NAA15: variants seen among roughly 807,000 people sequenced by gnomAD.
The protein encoded by NAA15 is N-terminal acetyltransferase.
In NAA15, 34 loss-of-function variants were observed where a neutral mutation model predicts 114.0. The ratio of observed to expected loss-of-function variants is 0.30; its 90% confidence interval spans 0.23 to 0.40. The LOEUF is 0.40. NAA15 is among the 10% of genes least tolerant of loss of function. The pLI is 1.00. For missense variants in NAA15, 658 were observed against 1,004.5 expected (o/e 0.66, Z 4.66); for synonymous variants, 340 against 338.0 (o/e 1.01, Z -0.06).
At chr4:139,353,146 T>C (rs1251802728) in intron 9 of NAA15, among the ~76,000 whole-genome samples, 3 of 152,230 alleles carry the variant, frequency 2.0e-5, no homozygotes, top group Non-Finnish European at 4.4e-5. Context: ...ATTCAACTTA[T>C]GGAACAGTCA....
chr4:139,369,027 A>G (rs1337946362), intron 14 of NAA15, among the ~76,000 whole-genome samples: 1 of 152,150 alleles, frequency 6.6e-6, no homozygotes, highest in African/African-American at 2.4e-5. Context: ...AGAGTTATTC[A>G]TTTATTGTGT....
chr4:139,305,966 T>C (rs993238948), intron 1 of NAA15, among the ~76,000 whole-genome samples: 1 of 152,232 alleles, frequency 6.6e-6, no homozygotes, highest in Non-Finnish European at 1.5e-5. Flanking sequence ...AACATTTTTT[T>C]CCTTAAATTT....
chr4:139,315,460 G>T (rs1746380203), intron 1 of NAA15, among the ~76,000 whole-genome samples: 1 of 151,896 alleles, frequency 6.6e-6, no homozygotes, highest in African/African-American at 2.4e-5. Flanking sequence ...CCAGGCTTCA[G>T]TGAGCAGTGT....
intron 14 of NAA15, among the ~76,000 whole-genome samples, chr4:139,363,768 A>G (rs1015287490): frequency 2.6e-5 from 4 of 152,302 alleles, no homozygotes; most frequent in South Asian, 4.1e-4. Flanking sequence ...CAACATGGGT[A>G]TTGAGATTTT....
chr4:139,390,759 C>A lies in NAA15; in HGVS notation c.*2675C>A, dbSNP rs1749039786. On this transcript the variant is annotated 3_prime_UTR_variant, in exon 20 of 20. Transcript: ENST00000296543. The stretch of plus-strand genomic sequence containing the variant: ...ATTTTTCTGTATCGTATTTATTATG[C>A]ACAAAAATAAAGTGTGATCTCTAAT... The A allele has an allele frequency of 6.6e-6, 1 of 152,126 alleles. No individual in the cohort carries two copies. The highest frequency in any genetic ancestry group is 1.5e-5 in the Non-Finnish European group (1 of 68,012). The allele number at this position is 152,126 out of a possible 1,614,324, so 9.4% of individuals were successfully genotyped here. A position where few individuals can be genotyped will look rare whatever the true frequency, so the allele number is the denominator to read the frequency against.
At chr4:139,365,138 A>C (rs1465176327) in intron 14 of NAA15, among the ~76,000 whole-genome samples, 1 of 152,138 alleles carries the variant, frequency 6.6e-6, no homozygotes, top group Admixed American at 6.5e-5. Context: ...CCTGGTTTCA[A>C]GCAATTGTCC....
At chr4:139,386,821 CAAAAT>C (rs1748921804) in intron 19 of NAA15, among the ~76,000 whole-genome samples, 1 of 151,856 alleles carries the variant, frequency 6.6e-6, no homozygotes, top group African/African-American at 2.4e-5. Context: ...GACCCTATCT[CAAAAT>C]AAAGAAAGAT....
At chr4:139,331,617 ATTTT>A (rs34467609) in intron 1 of NAA15, among the ~76,000 whole-genome samples, 11 of 127,864 alleles carry the variant, frequency 8.6e-5, no homozygotes, top group African/African-American at 2.9e-4. Context: ...TGCCCGGCTA[ATTTT>A]TTTTTTTTTT....
At chr4:139,361,498 C>T (rs1748130054) in intron 13 of NAA15, among the ~76,000 whole-genome samples, 1 of 152,098 alleles carries the variant, frequency 6.6e-6, no homozygotes, top group African/African-American at 2.4e-5. Flanking sequence ...CCTTTTTCAA[C>T]AAATGATTCT....
rs1157032981 is a variant in NAA15 at position 139,387,915 on chromosome 4, A to G, written c.2432A>G (p.Asp811Gly). ...TCMEVLEALY[D>G]GSLGDCKEAA... ...ATGGAGGTATTGGAAGCCTTGTATG[A>G]TGGTAGCCTAGGAGACTGTAAAGAA... The change falls in exon 20 of 20, where the codon GAT (aspartate) becomes GGT (glycine). Residue 811 changes from aspartate (D) to glycine (G), a missense_variant. Transcript: ENST00000296543. 2.5e-6 allele frequency: 4 copies of G among 1,613,966 alleles called. No homozygotes were observed. The highest frequency in any genetic ancestry group is 3.4e-6 in the Non-Finnish European group (4 of 1,179,932).
At chr4:139,332,647 A>T (rs1747061057) in intron 1 of NAA15, among the ~76,000 whole-genome samples, 1 of 120,442 alleles carries the variant, frequency 8.3e-6, no homozygotes, top group Non-Finnish European at 1.6e-5. Context: ...TGGTGGTGCG[A>T]TCTCTGCTCA....
intron 1 of NAA15, among the ~76,000 whole-genome samples, chr4:139,313,722 T>G (rs1405207845): frequency 6.6e-6 from 1 of 151,686 alleles, no homozygotes; most frequent in Non-Finnish European, 1.5e-5. Context: ...TTTTGTAATT[T>G]TAGTAGAGAC....
At chr4:139,353,441 CA>C (rs1347970510) in intron 9 of NAA15, among the ~76,000 whole-genome samples, 1 of 152,070 alleles carries the variant, frequency 6.6e-6, no homozygotes, top group Non-Finnish European at 1.5e-5. Flanking sequence ...ATGGATTAAA[CA>C]AAGAACAGAA....
chr4:139,373,621 G>A (rs111799313), intron 15 of NAA15, among the ~76,000 whole-genome samples: 1 of 151,870 alleles, frequency 6.6e-6, no homozygotes, highest in African/African-American at 2.4e-5. Context: ...GGCATTAGTT[G>A]GTATTTATGA....
intron 1 of NAA15, among the ~76,000 whole-genome samples, chr4:139,310,747 T>C (rs2110834197): frequency 6.6e-6 from 1 of 151,782 alleles, no homozygotes; most frequent in Admixed American, 6.6e-5. Context: ...GCTTCCTGAG[T>C]AGCTGGGATT....
At chr4:139,316,557 G>A (rs559450897) in intron 1 of NAA15, among the ~76,000 whole-genome samples, 1 of 151,912 alleles carries the variant, frequency 6.6e-6, no homozygotes, top group African/African-American at 2.4e-5. Flanking sequence ...TTAAATTTGC[G>A]ATGGATATGG....
rs1283385686 is a variant in NAA15 at position 139,370,290 on chromosome 4, G to GA, written c.1841dup (p.Asn614LysfsTer17). 6.3e-6 allele frequency: 10 copies of GA among 1,585,654 alleles called. No homozygotes were observed. Among genetic ancestry groups the GA allele is most frequent in the African/African-American group, 2.7e-5 (2 of 73,534 alleles). ...AAAAGAAAGCCCAGATAGAAGAAGA[G>GA]AAAAAAAATGCAGAAAAAGAAAAGC... On this transcript the variant is annotated frameshift_variant, in exon 15 of 20. Transcript: ENST00000296543. LOFTEE classifies it high-confidence loss of function.
rs546981635 is a variant in NAA15 at position 139,351,215 on chromosome 4, T to A, written c.836T>A (p.Ile279Asn). 6.2e-7 allele frequency: 1 copy of A among 1,600,832 alleles called. No individual in the cohort carries two copies. Among genetic ancestry groups the A allele is most frequent in the East Asian group, 2.2e-5 (1 of 44,662 alleles). Residue 279 changes from isoleucine to asparagine, a missense_variant, in exon 8 of 20, where the codon ATT becomes AAT. This residue lies in a region of NAA15 where 281 missense variants were observed against 389.1 expected (regional missense o/e 0.72). Coordinates refer to ENST00000296543, the MANE Select transcript of NAA15 (RefSeq NM_057175.5). Reference protein sequence around the residue: ...KPANMLERLKIYEEAWTKYPR... With the variant: ...KPANMLERLKNYEEAWTKYPR... ...GCTAATATGTTAGAACGGCTAAAAA[T>A]TTATGAGGAAGCCTGGACTAAATAT...
intron 11 of NAA15, 116 bp downstream of exon 11, chr4:139,357,671 TGAA>T: frequency 1.4e-6 from 1 of 692,968 alleles, no homozygotes; most frequent in South Asian, 2.0e-5. Flanking sequence ...TCAAAAAACA[TGAA>T]GTAACAAGTA....
Sources: gnomAD v4.1 joint callset for allele counts (sites outside exome capture counted in the v4.1 genomes callset) on GRCh38, gnomAD v4.1.1 for gene constraint, gnomAD v4.1.1 regional missense constraint, MANE v1.5 for transcripts, NCBI Gene and HGNC (gene_info 2026-07-23, HGNC 2026-07-21) for gene names.